VAV2: variants seen among roughly 807,000 people sequenced by gnomAD.
VAV2 encodes vav guanine nucleotide exchange factor 2.
VAV2 carries 67 observed loss-of-function variants against 132.5 expected under a neutral mutation model. The observed-to-expected ratio is 0.51, with a 90% CI of 0.42 to 0.62. The LOEUF is 0.62. Ranked by LOEUF, VAV2 falls within the 20% of genes least tolerant of loss-of-function variation. VAV2 has a pLI of 0.00. For synonymous variants in VAV2, 492 were observed against 443.5 expected (o/e 1.11, Z -1.37); for missense variants, 938 against 1,153.6 (o/e 0.81, Z 2.71).
intron 7 of VAV2, among the ~76,000 whole-genome samples, chr9:133,807,625 G>A (rs1157524007): frequency 6.6e-6 from 1 of 152,236 alleles, no homozygotes; most frequent in African/African-American, 2.4e-5. Flanking sequence ...GGGCGTTGGG[G>A]TTGTGGCTTG....
chr9:133,978,174 C>T (rs1338950518), intron 1 of VAV2, among the ~76,000 whole-genome samples: 2 of 152,238 alleles, frequency 1.3e-5, no homozygotes, highest in Admixed American at 1.3e-4. Context: ...AACTGCCCTC[C>T]CTGGCCCGCC....
chr9:133,797,821 A>ACACACACG lies in VAV2; in HGVS notation c.837-20_837-13dup, dbSNP rs770763733. On this transcript the variant is annotated splice_polypyrimidine_tract_variant and intron_variant, in intron 9 of 29. Transcript: ENST00000371850. ...CGTAGATCAGAAGCCTGGACGGTGC[A>ACACACACG]CACACACGCACACACGCACACAGAT... 1.8e-4 allele frequency: 296 copies of ACACACACG among 1,609,874 alleles called. No homozygotes were observed. In the African/African-American group the frequency reaches 2.8e-3, roughly 15 times the overall value.
chr9:133,880,963 T>C (rs1477167937), intron 2 of VAV2, among the ~76,000 whole-genome samples: 1 of 152,128 alleles, frequency 6.6e-6, no homozygotes, highest in Non-Finnish European at 1.5e-5. Flanking sequence ...CTGCCTTCGG[T>C]GGCTACAGCA....
chr9:133,895,559 A>G (rs1486505229), intron 2 of VAV2, among the ~76,000 whole-genome samples: 2 of 152,028 alleles, frequency 1.3e-5, no homozygotes, highest in Non-Finnish European at 2.9e-5. Context: ...GGGACAATCT[A>G]TTGTGACATT....
intron 2 of VAV2, among the ~76,000 whole-genome samples, chr9:133,864,419 G>A (rs1163966542): frequency 2.0e-5 from 3 of 152,218 alleles, no homozygotes; most frequent in Non-Finnish European, 2.9e-5. Context: ...ACTGAGGAAC[G>A]AGGTGGGGAC....
At chr9:133,910,258 C>G (rs1839830467) in intron 2 of VAV2, among the ~76,000 whole-genome samples, 1 of 152,200 alleles carries the variant, frequency 6.6e-6, no homozygotes, top group East Asian at 1.9e-4. Flanking sequence ...CACCCCTATT[C>G]TAGACTGCCT....
chr9:133,915,970 TACACACTC>T (rs746123741), intron 2 of VAV2, among the ~76,000 whole-genome samples: 11 of 143,580 alleles, frequency 7.7e-5, no homozygotes, highest in South Asian at 2.2e-4. Flanking sequence ...CACGTACACA[TACACACTC>T]ACACGATGCA....
rs143597900 is a variant in VAV2 at position 133,824,856 on chromosome 9, C to G, written c.449+9416G>C. On this transcript the variant is annotated intron_variant, in intron 4 of 29. Coordinates refer to ENST00000371850, the MANE Select transcript of VAV2 (RefSeq NM_001134398.2). This position sits in a 1 kb window ranked among gnomAD's most constrained non-coding sequence, Gnocchi z 5.2. Reference sequence around the variant, plus strand: ...GCCTTCCTCTCTCAGAGCCCCGTCTCCTTCCTGTCCAGCGAGAGGGCTCAG... The same window carrying G: ...GCCTTCCTCTCTCAGAGCCCCGTCTGCTTCCTGTCCAGCGAGAGGGCTCAG... Among the ~76,000 whole-genome samples the G allele has an allele frequency of 4.4e-3, 676 of 152,282 alleles. 7 individuals are homozygous for G. Among genetic ancestry groups the G allele is most frequent in the Middle Eastern group, 0.02 (6 of 294 alleles).
At chr9:133,856,963 C>T (rs545494177) in intron 3 of VAV2, among the ~76,000 whole-genome samples, 3 of 152,188 alleles carry the variant, frequency 2.0e-5, no homozygotes, top group Non-Finnish European at 2.9e-5. Flanking sequence ...CCAGGTGCTG[C>T]GCTGCACGAT....
At chr9:133,780,589 G>T in intron 20 of VAV2, 105 bp downstream of exon 20, 2 of 1,248,312 alleles carry the variant, frequency 1.6e-6, no homozygotes, top group Non-Finnish European at 2.0e-6. Context: ...AGCCGGTGTG[G>T]CCCCATGAGT....
intron 1 of VAV2, among the ~76,000 whole-genome samples, chr9:133,949,867 A>T (rs1841496279): frequency 6.6e-6 from 1 of 152,156 alleles, no homozygotes. Context: ...CCTGCCCCCG[A>T]CCCGGGCGTC....
intron 4 of VAV2, among the ~76,000 whole-genome samples, chr9:133,821,812 ATGGGCCTCCACGGCCAGACC>A (rs1354921242): frequency 6.6e-6 from 1 of 152,102 alleles, no homozygotes; most frequent in Non-Finnish European, 1.5e-5. Context: ...CCAGACGTGA[ATGGGCCTCCACGGCCAGACC>A]TGGGCCCCAG....
At chr9:133,975,406 GC>G (rs1842473093) in intron 1 of VAV2, among the ~76,000 whole-genome samples, 1 of 152,148 alleles carries the variant, frequency 6.6e-6, no homozygotes, top group African/African-American at 2.4e-5. Flanking sequence ...TTTCTGGGGG[GC>G]CCAGCCTCAG....
chr9:133,956,938 C>G (rs1023414743), intron 1 of VAV2, among the ~76,000 whole-genome samples: 5 of 152,228 alleles, frequency 3.3e-5, no homozygotes, highest in Non-Finnish European at 7.3e-5. Flanking sequence ...CAGCAGGGAG[C>G]TGAACTCCAG....
At chr9:133,835,521 G>C (rs960779617) in intron 3 of VAV2, among the ~76,000 whole-genome samples, 5 of 152,178 alleles carry the variant, frequency 3.3e-5, no homozygotes, top group African/African-American at 1.2e-4. Flanking sequence ...GAGGAGACAC[G>C]AAAGGCCCCT....
intron 23 of VAV2, 78 bp downstream of exon 23, chr9:133,777,311 C>T: frequency 6.8e-7 from 1 of 1,474,108 alleles, no homozygotes; most frequent in Non-Finnish European, 9.4e-7. Flanking sequence ...CCAAAAATGT[C>T]CACGTGAGGA....
intron 13 of VAV2, among the ~76,000 whole-genome samples, 161 bp downstream of exon 13, chr9:133,791,622 G>T (rs1834465845): frequency 6.6e-6 from 1 of 151,976 alleles, no homozygotes; most frequent in Admixed American, 6.5e-5. Flanking sequence ...GTGGATGCTG[G>T]GGGTCTGAGA....
rs1321063190 is a variant in VAV2 at position 133,777,342 on chromosome 9, G to A, written c.1965+47C>T. On this transcript the variant is annotated intron_variant, in intron 23 of 29. Transcript: ENST00000371850. ...GAGGAGGCAGCTCCCAGAACCCTCAGCACCCAGGCCACCGTGCTCCAGAAG... is the reference window on the plus strand; with the variant it reads ...GAGGAGGCAGCTCCCAGAACCCTCAACACCCAGGCCACCGTGCTCCAGAAG... 3 of 1,602,584 alleles carry A rather than the reference G, an allele frequency of 1.9e-6. No individual in the cohort carries two copies. In the African/African-American group the frequency reaches 4.0e-5, roughly 21 times the overall value.
chr9:133,888,234 A>C (rs890353537), intron 2 of VAV2, among the ~76,000 whole-genome samples: 3 of 152,194 alleles, frequency 2.0e-5, no homozygotes, highest in Non-Finnish European at 4.4e-5. Context: ...GAATGGGGGC[A>C]GAGTGTCCGC....
Sources: gnomAD v4.1 joint callset for allele counts (sites outside exome capture counted in the v4.1 genomes callset) on GRCh38, gnomAD v4.1.1 for gene constraint, Gnocchi (gnomAD v3.1) non-coding constraint, MANE v1.5 for transcripts, NCBI Gene and HGNC (gene_info 2026-07-23, HGNC 2026-07-21) for gene names.